DOCK4: variants seen among roughly 807,000 people sequenced by gnomAD.
The protein encoded by DOCK4 is dedicator of cytokinesis protein 4.
In DOCK4, 97 loss-of-function variants were observed where a neutral mutation model predicts 268.1. The observed-to-expected ratio is 0.36, with a 90% CI of 0.31 to 0.43. DOCK4 has a LOEUF of 0.43. DOCK4 is among the 20% of genes least tolerant of loss of function. DOCK4 has a pLI of 1.00. For missense variants in DOCK4, 2,145 were observed against 2,455.7 expected, an observed-to-expected ratio of 0.87 and a Z score of 2.67; for synonymous variants, 954 against 887.2, an observed-to-expected ratio of 1.08 and a Z score of -1.34.
chr7:112,061,701 A>G (rs1009575902), intron 1 of DOCK4, among the ~76,000 whole-genome samples: 16 of 150,324 alleles, frequency 1.1e-4, no homozygotes, highest in African/African-American at 3.7e-4. Context: ...GCCAAATTCT[A>G]TTTTGTGGAA....
chr7:111,761,062 C>CTT (rs34238929), intron 39 of DOCK4, among the ~76,000 whole-genome samples: 7 of 141,026 alleles, frequency 5.0e-5, no homozygotes, highest in Admixed American at 2.9e-4. Context: ...GGCTTAAAGT[C>CTT]TTTTTTTTTT....
At chr7:112,078,971 C>CA (rs1586778991) in intron 1 of DOCK4, among the ~76,000 whole-genome samples, 1 of 151,956 alleles carries the variant, frequency 6.6e-6, no homozygotes, top group Non-Finnish European at 1.5e-5. Context: ...ACTAAAAATA[C>CA]AAAAAATTAG....
intron 1 of DOCK4, among the ~76,000 whole-genome samples, chr7:112,191,557 A>T (rs1286382005): frequency 2.6e-5 from 4 of 152,206 alleles, no homozygotes; most frequent in African/African-American, 9.7e-5. Flanking sequence ...TGGTATTAAC[A>T]CTAGTATCTT....
At chr7:111,927,552 C>G (rs1209007180) in intron 12 of DOCK4, among the ~76,000 whole-genome samples, 2 of 152,180 alleles carry the variant, frequency 1.3e-5, no homozygotes, top group Non-Finnish European at 2.9e-5. Context: ...GGGAATTTTT[C>G]ACTTTAAAGT....
At chr7:111,737,595 C>T (rs888823360) in intron 49 of DOCK4, among the ~76,000 whole-genome samples, 1 of 152,180 alleles carries the variant, frequency 6.6e-6, no homozygotes, top group African/African-American at 2.4e-5. Context: ...TGATAGTCTA[C>T]AATTTTTAAC....
At chr7:111,988,411 A>G (rs1799219171) in intron 6 of DOCK4, among the ~76,000 whole-genome samples, 1 of 152,182 alleles carries the variant, frequency 6.6e-6, no homozygotes, top group Admixed American at 6.5e-5. Context: ...CCATTTTAGT[A>G]CCTGGCTGGT....
At chr7:112,018,421 A>T (rs1802044463) in intron 1 of DOCK4, among the ~76,000 whole-genome samples, 1 of 152,196 alleles carries the variant, frequency 6.6e-6, no homozygotes. Context: ...TTACCAACTC[A>T]GCACTTATCA....
chr7:111,958,969 C>CACAGAATTGTGACCAAAGGGAGAGTAAA (rs1796650215), intron 8 of DOCK4, among the ~76,000 whole-genome samples: 2 of 152,076 alleles, frequency 1.3e-5, no homozygotes, highest in Non-Finnish European at 2.9e-5. Flanking sequence ...TTTTATGTGA[C>CACAGAATTGTGACCAAAGGGAGAGTAAA]ACAGAATTGT....
chr7:111,872,384 T>C, intron 18 of DOCK4, 32 bp from the exon 19 acceptor site: 1 of 1,526,870 alleles, frequency 6.5e-7, no homozygotes, highest in South Asian at 1.2e-5. Flanking sequence ...AATGAGTAAA[T>C]AAGATACTAT....
At chr7:112,066,189 G>T (rs906138311) in intron 1 of DOCK4, among the ~76,000 whole-genome samples, 1 of 152,114 alleles carries the variant, frequency 6.6e-6, no homozygotes, top group East Asian at 1.9e-4. Flanking sequence ...CCCACTGTGG[G>T]TGGGCACTAT....
chr7:112,121,195 T>G (rs983491454), intron 1 of DOCK4, among the ~76,000 whole-genome samples: 1 of 152,248 alleles, frequency 6.6e-6, no homozygotes, highest in Non-Finnish European at 1.5e-5. Flanking sequence ...GGATCTGAAC[T>G]TGGTCAGCCT....
intron 8 of DOCK4, among the ~76,000 whole-genome samples, chr7:111,959,678 C>G (rs1796713624): frequency 6.6e-6 from 1 of 152,168 alleles, no homozygotes; most frequent in Admixed American, 6.5e-5. Flanking sequence ...TTCCTAACAA[C>G]TCAGTCTTTT....
At position 112,039,333 on chromosome 7, in the gene DOCK4, T is replaced by C. The variant is rs141759846; in HGVS notation, c.38-35202A>G. Among the ~76,000 whole-genome samples, 13 of 139,892 alleles carry C rather than the reference T, an allele frequency of 9.3e-5. No individual in the cohort carries two copies. In the East Asian group the frequency reaches 2.8e-3, roughly 30 times the overall value. The allele number at this position is 139,892 out of a possible 152,430, so 91.8% of individuals were successfully genotyped here. On this transcript the variant is annotated intron_variant, in intron 1 of 52. Transcript: ENST00000428084. The stretch of plus-strand genomic sequence containing the variant: ...ACATTGAATTACCAAGCACTTACTG[T>C]GATATGTAGAAAACTGAAGGTTTTA...
At chr7:111,767,355 T>A (rs894289874) in intron 37 of DOCK4, among the ~76,000 whole-genome samples, 3 of 151,412 alleles carry the variant, frequency 2.0e-5, no homozygotes, top group African/African-American at 7.3e-5. Flanking sequence ...GCCTCCTGAG[T>A]AGCTGGGATT....
At chr7:111,811,989 A>T in intron 27 of DOCK4, 40 bp from the exon 28 acceptor site, 1 of 1,144,804 alleles carries the variant, frequency 8.7e-7, no homozygotes, top group South Asian at 1.5e-5. Flanking sequence ...ACTTCATATT[A>T]GTGAAAATCA....
chr7:111,757,683 G>A (rs886164107), intron 41 of DOCK4, among the ~76,000 whole-genome samples: 4 of 152,064 alleles, frequency 2.6e-5, no homozygotes, highest in South Asian at 2.1e-4. Flanking sequence ...ATCTCCTCTC[G>A]GTTGTGAATG....
In DOCK4 at chr7:111,769,613, C is replaced by T; in HGVS notation, c.3744G>A (p.Glu1248=). The change falls in exon 37 of 53, where the codon GAG becomes GAA. Residue 1248 remains glutamate, a synonymous_variant. Coordinates refer to ENST00000428084, the MANE Select transcript of DOCK4 (RefSeq NM_001363540.2). ...LLEWSDRPLR[E]FLTYPMQTEW... is the part of the protein sequence containing the mutation. ...CTGTTTGCATGGGGTAGGTCAGGAA[C>T]TCCCTGAGGGGCCGATCAGACCATT... The T allele has an allele frequency of 6.2e-7, 1 of 1,613,786 alleles. No homozygotes were observed. The highest frequency in any genetic ancestry group is 1.7e-5 in the Admixed American group (1 of 60,008).
chr7:111,942,370 G>C (rs920227697), intron 10 of DOCK4, among the ~76,000 whole-genome samples: 2 of 152,154 alleles, frequency 1.3e-5, no homozygotes, highest in Admixed American at 1.3e-4. Flanking sequence ...AGGTACAAGA[G>C]ACATTCTGTA....
Position 111,758,838 on chromosome 7 carries a change from G to C in DOCK4, c.4163-48C>G, listed in dbSNP as rs73715247. 5,234 of 1,590,666 alleles carry C rather than the reference G, an allele frequency of 3.3e-3. 156 individuals carry two copies. The African/African-American group carries it at 0.063, about 19-fold the overall frequency. On this transcript the variant is annotated intron_variant, in intron 40 of 52. Coordinates refer to ENST00000428084, the MANE Select transcript of DOCK4 (RefSeq NM_001363540.2). Reference sequence around the variant, plus strand: ...AGAACCTGACTTGGCAAACTCCATGGAAGTCTGGCTTGGGCTGAGCTATGG... The same window carrying C: ...AGAACCTGACTTGGCAAACTCCATGCAAGTCTGGCTTGGGCTGAGCTATGG...
Sources: gnomAD v4.1 joint callset for allele counts (sites outside exome capture counted in the v4.1 genomes callset) on GRCh38, gnomAD v4.1.1 for gene constraint, MANE v1.5 for transcripts, NCBI Gene and HGNC (gene_info 2026-07-23, HGNC 2026-07-21) for gene names.